The following TVP23A variants were observed in gnomAD, a reference collection of about 807,000 sequenced individuals.
The protein encoded by TVP23A is Golgi apparatus membrane protein TVP23 homolog A.
A neutral mutation model predicts 31.7 loss-of-function variants in TVP23A; 21 were observed. The ratio of observed to expected loss-of-function variants is 0.66; its 90% confidence interval spans 0.47 to 0.95. The LOEUF is 0.95. Among genes scored for constraint, TVP23A ranks in the 40% least tolerant of loss-of-function variants. The pLI, the probability that TVP23A is intolerant of heterozygous loss-of-function variation, is 0.00. For missense variants in TVP23A, 279 were observed against 255.6 expected (o/e 1.09, Z -0.62); for synonymous variants, 104 against 96.0 (o/e 1.08, Z -0.49).
chr16:10,792,543 G>T (rs544619542), intron 2 of TVP23A, among the ~76,000 whole-genome samples: 158 of 152,314 alleles, frequency 1.0e-3, no homozygotes, highest in African/African-American at 3.7e-3. Flanking sequence ...TGGGACAATT[G>T]AAGTGCTCTC....
chr16:10,761,303 G>A lies in TVP23A; in HGVS notation c.*472C>T, dbSNP rs1330069669. On this transcript the variant is annotated 3_prime_UTR_variant and NMD_transcript_variant, in exon 9 of 9. Coordinates refer to the TVP23A transcript ENST00000456096. ...CTGCATTGCAGCCATCCCCTCGGTT[G>A]CACAGACATTCCCTTTCTCGCACTT... 10 of 1,482,948 alleles carry A rather than the reference G, an allele frequency of 6.7e-6. 1 individual carries two copies. The African/African-American group carries it at 8.3e-5, about 12-fold the overall frequency. 91.9% of individuals were successfully genotyped at this position (1,482,948 alleles called of 1,614,324 possible).
chr16:10,783,333 A>G (rs1567289453), intron 2 of TVP23A, among the ~76,000 whole-genome samples: 2 of 152,184 alleles, frequency 1.3e-5, no homozygotes, highest in Non-Finnish European at 2.9e-5. Flanking sequence ...ACACACAAAT[A>G]TTTATAGCAG....
rs750581875 is a variant in TVP23A, at chr16:10,818,164, C to T, written c.28G>A (p.Glu10Lys). The T allele has an allele frequency of 1.1e-5, 17 of 1,606,658 alleles. No individual in the cohort carries two copies. In the East Asian group the frequency reaches 3.4e-4, roughly 32 times the overall value. Residue 10 changes from glutamate to lysine, a missense_variant, in exon 2 of 8, where the codon GAG becomes AAG. Transcript: ENST00000299866. This position sits in a 1 kb window ranked among gnomAD's most constrained non-coding sequence, Gnocchi z 4.7. Reference protein sequence around the residue: MKQALVDDTEDVSLDFGNEE... With the variant: MKQALVDDTKDVSLDFGNEE... ...TTTCCAAAGTCCAGGGACACATCCTCGGTATCGTCCACCAGGGCCTGGGAG... is the reference window on the plus strand; with the variant it reads ...TTTCCAAAGTCCAGGGACACATCCTTGGTATCGTCCACCAGGGCCTGGGAG...
chr16:10,762,471 G>A (rs1003482154), downstream of TVP23A, among the ~76,000 whole-genome samples: 88 of 152,346 alleles, frequency 5.8e-4, no homozygotes, highest in African/African-American at 1.9e-3. Context: ...CCCGCCGGGC[G>A]CCCACTCGCC....
chr16:10,776,740 G>C (rs2032051295), intron 2 of TVP23A, among the ~76,000 whole-genome samples: 1 of 152,182 alleles, frequency 6.6e-6, no homozygotes. Flanking sequence ...CAGTCCTAAG[G>C]GCTGCTGGTT....
rs146939902 is a variant in TVP23A, at chr16:10,802,101, TAC to T, written c.89+16000_89+16001del. Among the ~76,000 whole-genome samples, 1,398 of 147,452 alleles carry T rather than the reference TAC, an allele frequency of 9.5e-3. 27 individuals are homozygous for T. The highest frequency in any genetic ancestry group is 0.031 in the African/African-American group (1,259 of 40,580). On this transcript the variant is annotated intron_variant, in intron 2 of 7. Coordinates refer to ENST00000299866, the MANE Select transcript of TVP23A (RefSeq NM_001079512.4). ...TAACAGTTTAGAGAACAAATACACA[TAC>T]ACACACACACACACACACATACACA...
downstream of TVP23A, among the ~76,000 whole-genome samples, chr16:10,764,363 T>C (rs555709499): frequency 2.0e-5 from 3 of 152,278 alleles, no homozygotes; most frequent in East Asian, 5.8e-4. Flanking sequence ...CTCAGTCTGC[T>C]GGAGTATGCC....
downstream of TVP23A, among the ~76,000 whole-genome samples, chr16:10,765,349 A>AT (rs57374514): frequency 6.9e-6 from 1 of 144,510 alleles, no homozygotes; most frequent in South Asian, 2.1e-4. The surrounding 1 kb of genome is among the most constrained non-coding windows in gnomAD (Gnocchi z 4.0). Flanking sequence ...AAAAAAAAAA[A>AT]GGAAAAAATT....
At chr16:10,815,011 TA>T (rs1435562665) in intron 2 of TVP23A, among the ~76,000 whole-genome samples, 1 of 152,170 alleles carries the variant, frequency 6.6e-6, no homozygotes, top group Non-Finnish European at 1.5e-5. Flanking sequence ...AACCAACTCC[TA>T]CCCTACCTGT....
rs146921748 is a variant in TVP23A at position 10,761,299 on chromosome 16, G to A, written c.*476C>T. ...TCCACTGCATTGCAGCCATCCCCTC[G>A]GTTGCACAGACATTCCCTTTCTCGC... On this transcript the variant is annotated 3_prime_UTR_variant and NMD_transcript_variant, in exon 9 of 9. Coordinates refer to the TVP23A transcript ENST00000456096. 6.8e-4 allele frequency: 989 copies of A among 1,448,334 alleles called. 9 individuals carry two copies. In the African/African-American group the frequency reaches 0.01, roughly 15 times the overall value. 89.7% of individuals were successfully genotyped at this position (1,448,334 alleles called of 1,614,324 possible). A position where few individuals can be genotyped will look rare whatever the true frequency, so the allele number is the denominator to read the frequency against.
At chr16:10,762,123 G>GT (rs1368358147), downstream of TVP23A, 1 of 346,430 alleles carries the variant, frequency 2.9e-6, no homozygotes, top group African/African-American at 2.1e-5. Context: ...GGTGAGGGTG[G>GT]TGGTGGCAGG....
At chr16:10,761,250 C>G in exon 9 of TVP23A, 2 of 933,542 alleles carry the variant, frequency 2.1e-6, no homozygotes, top group South Asian at 3.1e-5. Context: ...AGGGCAGAAA[C>G]CTCTAAGGCT....
intron 2 of TVP23A, among the ~76,000 whole-genome samples, chr16:10,787,135 G>C (rs1475907980): frequency 6.6e-6 from 1 of 152,144 alleles, no homozygotes; most frequent in Non-Finnish European, 1.5e-5. Context: ...GAAAGCCAGA[G>C]GGTCCAGCCC....
At chr16:10,798,829 A>C (rs956073794) in intron 2 of TVP23A, among the ~76,000 whole-genome samples, 9 of 151,874 alleles carry the variant, frequency 5.9e-5, no homozygotes, top group African/African-American at 2.2e-4. Context: ...ACACCCAGCT[A>C]ATTTTTGTAT....
At chr16:10,808,572 G>A in intron 2 of TVP23A, 1 of 455,074 alleles carries the variant, frequency 2.2e-6, no homozygotes, top group Non-Finnish European at 4.4e-6. Context: ...CAAGGCAGGA[G>A]GATCACTGAG....
downstream of TVP23A, chr16:10,761,920 G>A (rs760387846): frequency 1.1e-5 from 14 of 1,300,838 alleles, no homozygotes; most frequent in African/African-American, 2.9e-5. Context: ...GGCACGGGTC[G>A]GGCACAACAG....
chr16:10,796,420 T>C (rs920370625), intron 2 of TVP23A, among the ~76,000 whole-genome samples: 1 of 150,166 alleles, frequency 6.7e-6, no homozygotes, highest in Non-Finnish European at 1.5e-5. Context: ...GTAAAAGGGA[T>C]TTTATTTTAT....
chr16:10,796,802 C>T (rs1237319827), intron 2 of TVP23A, among the ~76,000 whole-genome samples: 2 of 152,028 alleles, frequency 1.3e-5, no homozygotes, highest in Non-Finnish European at 2.9e-5. Flanking sequence ...ATTTCAGTTA[C>T]GACTCAAATG....
chr16:10,766,052 A>T (rs140355974), downstream of TVP23A: 1 of 152,378 alleles, frequency 6.6e-6, no homozygotes, highest in Non-Finnish European at 1.5e-5. The surrounding 1 kb of genome is among the most constrained non-coding windows in gnomAD (Gnocchi z 4.8). Flanking sequence ...CTAGGAACAG[A>T]CAGGAAGGCA....
Sources: allele counts gnomAD v4.1 joint callset (sites outside exome capture counted in the v4.1 genomes callset), GRCh38; gene constraint gnomAD v4.1.1; non-coding constraint Gnocchi (gnomAD v3.1); transcripts MANE v1.5; gene names NCBI Gene and HGNC (gene_info 2026-07-23, HGNC 2026-07-21).